The following GABRG3 variants were observed in gnomAD, a reference collection of about 807,000 sequenced individuals.
GABRG3 encodes the protein gamma-aminobutyric acid receptor subunit gamma-3.
GABRG3 carries 25 observed loss-of-function variants against 48.8 expected under a neutral mutation model. The ratio of observed to expected loss-of-function variants is 0.51; its 90% CI spans 0.37 to 0.72. The LOEUF (loss-of-function observed/expected upper bound fraction) is 0.72, where lower values mean the gene tolerates loss of function less well. Among genes scored for constraint, GABRG3 ranks in the 30% least tolerant of loss-of-function variants. The probability of loss-of-function intolerance (pLI) is 0.00; values close to 1 mark genes in which losing one functional copy is unlikely to be tolerated. For synonymous variants in GABRG3, 227 were observed against 217.6 expected, an observed-to-expected ratio of 1.04 and a Z score of -0.38; for missense variants, 394 against 577.9, an observed-to-expected ratio of 0.68 and a Z score of 3.26.
At chr15:27,277,950 C>T (rs1891309327) in intron 3 of GABRG3, among the ~76,000 whole-genome samples, 1 of 152,164 alleles carries the variant, frequency 6.6e-6, no homozygotes, top group Non-Finnish European at 1.5e-5. Context: ...ACTATAGTAA[C>T]AATAGCCAAA....
rs2150868152 is a variant in GABRG3 at position 27,536,064 on chromosome 15, TGAG to T, written c.*3187_*3189del. ...CCTCACTTTCAGAAATACTCTAAGT[TGAG>T]GAGATGACAGTTCTGTATTTTGACA... On this transcript the variant is annotated 3_prime_UTR_variant, in exon 10 of 10. Transcript: ENST00000615808. 6.6e-6 allele frequency: 1 copy of T among 152,310 alleles called. No homozygotes were observed. The highest frequency in any genetic ancestry group is 6.5e-5 in the Admixed American group (1 of 15,300). 9.4% of individuals were successfully genotyped at this position (152,310 alleles called of 1,614,324 possible).
intron 5 of GABRG3, among the ~76,000 whole-genome samples, chr15:27,361,585 G>A (rs1043498686): frequency 2.0e-5 from 3 of 152,214 alleles, no homozygotes; most frequent in South Asian, 4.1e-4. Context: ...CCCTGCCAGA[G>A]AAGACTGGAG....
chr15:27,309,051 T>A (rs1319248237), intron 3 of GABRG3, among the ~76,000 whole-genome samples: 1 of 151,038 alleles, frequency 6.6e-6, no homozygotes, highest in Admixed American at 6.6e-5. Context: ...TATGTTTATA[T>A]AGAAACACAT....
In GABRG3 at chr15:27,127,469, G is replaced by A. The variant is rs79750651; in HGVS notation, c.270+100648G>A. Among the ~76,000 whole-genome samples, 347 of 151,768 alleles carry A rather than the reference G, an allele frequency of 2.3e-3. 2 individuals carry two copies. Among genetic ancestry groups the A allele is most frequent in the African/African-American group, 7.1e-3 (295 of 41,366 alleles). ...GGGTGGGGGGTGGGAGCCGTTTAAT[G>A]TGGACAGGGTTCCACTTGGGGAAAG... On this transcript the variant is annotated intron_variant, in intron 3 of 9. Transcript: ENST00000615808.
At chr15:27,176,033 AAAAAAAAAAG>A (rs1240388606) in intron 3 of GABRG3, among the ~76,000 whole-genome samples, 3 of 151,882 alleles carry the variant, frequency 2.0e-5, no homozygotes, top group Non-Finnish European at 2.9e-5. Context: ...GCTGGGAAAA[AAAAAAAAAAG>A]AAAGAAAAAA....
intron 3 of GABRG3, among the ~76,000 whole-genome samples, chr15:27,174,572 C>CCTCTCTCTCGTCTCTCT (rs1217832709): frequency 7.0e-6 from 1 of 143,066 alleles, no homozygotes; most frequent in African/African-American, 2.8e-5. Flanking sequence ...CCAGTGACTG[C>CCTCTCTCTCGTCTCTCT]CTCTCTCTCT....
chr15:27,477,674 T>C (rs1889980779), intron 5 of GABRG3, among the ~76,000 whole-genome samples: 1 of 152,108 alleles, frequency 6.6e-6, no homozygotes, highest in African/African-American at 2.4e-5. Context: ...GCAGGGGGTA[T>C]ACAGGAAATC....
chr15:27,069,268 G>C (rs1434499363), intron 3 of GABRG3, among the ~76,000 whole-genome samples: 1 of 152,154 alleles, frequency 6.6e-6, no homozygotes, highest in Non-Finnish European at 1.5e-5. Context: ...GTATAATTTT[G>C]GGATTAGACA....
rs965830928 is a variant in GABRG3 at position 27,306,183 on chromosome 15, A to G, written c.271-20626A>G. On this transcript the variant is annotated intron_variant, in intron 3 of 9. Transcript: ENST00000615808. ...CCTATATGTTTATATATAAACATAT[A>G]ATATAAACATATTTATAATATAAAC... is the stretch of plus-strand genomic sequence containing the variant. 5.9e-5 allele frequency among the ~76,000 whole-genome samples: 8 copies of G among 135,086 alleles called. 1 individual carries two copies. The highest frequency in any genetic ancestry group is 3.2e-4 in the Admixed American group (4 of 12,532). 88.6% of individuals were successfully genotyped at this position (135,086 alleles called of 152,430 possible). A position where few individuals can be genotyped will look rare whatever the true frequency, so the allele number is the denominator to read the frequency against.
chr15:27,238,818 A>G (rs1361495813), intron 3 of GABRG3, among the ~76,000 whole-genome samples: 1 of 152,254 alleles, frequency 6.6e-6, no homozygotes, highest in East Asian at 1.9e-4. Context: ...AGTTTAATTT[A>G]TCTGAATTTC....
chr15:27,179,429 T>C lies in GABRG3; in HGVS notation c.271-147380T>C, dbSNP rs2140415656. ...ATAATGATGCCCTCAGTTTTGTAAT[T>C]GCTTATTTACCTTGTTTGCATAAAA... On this transcript the variant is annotated intron_variant, in intron 3 of 9. Transcript: ENST00000615808. This position sits in a 1 kb window ranked among gnomAD's most constrained non-coding sequence, Gnocchi z 4.0. Among the ~76,000 whole-genome samples, 1 of 152,356 alleles carries C rather than the reference T, an allele frequency of 6.6e-6. No individual in the cohort carries two copies. Among genetic ancestry groups the C allele is most frequent in the African/African-American group, 2.4e-5 (1 of 41,586 alleles).
intron 6 of GABRG3, among the ~76,000 whole-genome samples, chr15:27,497,872 A>G (rs976232513): frequency 6.6e-6 from 1 of 152,088 alleles, no homozygotes; most frequent in Non-Finnish European, 1.5e-5. Flanking sequence ...CATCATTGAA[A>G]CTTCACCATT....
At chr15:27,393,782 T>C (rs1239205088) in intron 5 of GABRG3, among the ~76,000 whole-genome samples, 1 of 152,178 alleles carries the variant, frequency 6.6e-6, no homozygotes, top group African/African-American at 2.4e-5. Context: ...TGGAGTGGCA[T>C]CTTCTGCCTC....
chr15:27,530,788 T>G, intron 9 of GABRG3: 1 of 463,180 alleles, frequency 2.2e-6, no homozygotes, highest in Non-Finnish European at 4.5e-6. Flanking sequence ...TAGCTCCCAG[T>G]TCCATCCACA....
intron 2 of GABRG3, among the ~76,000 whole-genome samples, chr15:27,014,704 G>C (rs1325129075): frequency 6.6e-6 from 1 of 152,132 alleles, no homozygotes; most frequent in Non-Finnish European, 1.5e-5. Context: ...TTCTATCTTT[G>C]AGAATGTCTA....
chr15:27,002,819 G>T (rs1174305985), intron 2 of GABRG3, among the ~76,000 whole-genome samples: 1 of 151,236 alleles, frequency 6.6e-6, no homozygotes, highest in African/African-American at 2.4e-5. Context: ...GAGAGAAATA[G>T]CTAGATCTGG....
intron 2 of GABRG3, among the ~76,000 whole-genome samples, chr15:27,019,055 CTTTTTTTTTTTTTTTTTTTT>C (rs9331868): frequency 2.4e-5 from 1 of 42,002 alleles, no homozygotes. Flanking sequence ...TCCCTAGAGT[CTTTTTTTTTTTTTTTTTTTT>C]TTTTTTTTTT....
At chr15:27,255,896 A>AT in intron 3 of GABRG3, among the ~76,000 whole-genome samples, 1 of 150,340 alleles carries the variant, frequency 6.7e-6, no homozygotes, top group African/African-American at 2.5e-5. Flanking sequence ...GTGTTTAGTG[A>AT]CTTTTTACCC....
At chr15:27,245,528 G>T (rs1315566249) in intron 3 of GABRG3, among the ~76,000 whole-genome samples, 6 of 152,228 alleles carry the variant, frequency 3.9e-5, no homozygotes, top group Admixed American at 3.9e-4. Context: ...GTTGGATATT[G>T]TGTTAGTCTG....
Sources: gnomAD v4.1 joint callset for allele counts (sites outside exome capture counted in the v4.1 genomes callset) on GRCh38, gnomAD v4.1.1 for gene constraint, Gnocchi (gnomAD v3.1) non-coding constraint, MANE v1.5 for transcripts, NCBI Gene and HGNC (gene_info 2026-07-23, HGNC 2026-07-21) for gene names.